The following TTC17 variants were observed in gnomAD, a reference collection of about 807,000 sequenced individuals.
TTC17 encodes tetratricopeptide repeat domain 17, also known as tetratricopeptide repeat protein 17.
TTC17 carries 58 observed loss-of-function variants against 143.8 expected under a neutral mutation model. That is an observed-to-expected ratio of 0.40 (90% confidence interval 0.33 to 0.50). TTC17 has a LOEUF of 0.50. Among genes scored for constraint, TTC17 ranks in the 20% least tolerant of loss-of-function variants. The pLI is 0.49. For missense variants in TTC17, 1,273 were observed against 1,392.5 expected (o/e 0.91, Z 1.37); for synonymous variants, 501 against 497.8 (o/e 1.01, Z -0.09).
intron 16 of TTC17, among the ~76,000 whole-genome samples, chr11:43,431,569 A>T (rs768504159): frequency 6.6e-6 from 1 of 152,234 alleles, no homozygotes; most frequent in Non-Finnish European, 1.5e-5. Context: ...TTTTAAAAAG[A>T]TTACATTGGG....
chr11:43,439,741 G>C (rs1947374124), intron 16 of TTC17, among the ~76,000 whole-genome samples: 1 of 152,128 alleles, frequency 6.6e-6, no homozygotes, highest in African/African-American at 2.4e-5. Context: ...AAAGTGCTGG[G>C]ATTACAGGCG....
At chr11:43,483,270 C>T (rs1419972515) in intron 21 of TTC17, among the ~76,000 whole-genome samples, 2 of 152,062 alleles carry the variant, frequency 1.3e-5, no homozygotes, top group Non-Finnish European at 2.9e-5. Context: ...AGAAATACCT[C>T]ATCCTAATAT....
intron 16 of TTC17, among the ~76,000 whole-genome samples, chr11:43,422,574 G>T (rs1047927976): frequency 1.3e-5 from 2 of 152,154 alleles, no homozygotes; most frequent in South Asian, 4.1e-4. Flanking sequence ...CAATAAAGGA[G>T]TAGCCAGTAA....
chr11:43,462,149 A>G (rs1041096371), intron 21 of TTC17, among the ~76,000 whole-genome samples: 4 of 152,144 alleles, frequency 2.6e-5, no homozygotes, highest in Non-Finnish European at 5.9e-5. Flanking sequence ...AAACTTTATA[A>G]TAAGAAGCAT....
At chr11:43,414,522 G>A (rs1403725353) in intron 15 of TTC17, 68 bp from the exon 16 acceptor site, 3 of 1,523,934 alleles carry the variant, frequency 2.0e-6, no homozygotes, top group Non-Finnish European at 2.6e-6. Context: ...GCCATATACT[G>A]TAAACGTTTT....
At chr11:43,465,876 T>TATTTCTTGGA (rs1253117213) in intron 21 of TTC17, among the ~76,000 whole-genome samples, 4 of 152,170 alleles carry the variant, frequency 2.6e-5, no homozygotes, top group Non-Finnish European at 5.9e-5. Flanking sequence ...ACAATATATG[T>TATTTCTTGGA]ATTTCTTGGA....
chr11:43,488,106 C>T (rs544502663), intron 21 of TTC17, among the ~76,000 whole-genome samples: 4 of 152,198 alleles, frequency 2.6e-5, no homozygotes, highest in East Asian at 1.9e-4. Context: ...TCCCATGAGC[C>T]GTTCTTGAGG....
chr11:43,377,259 C>G (rs1001875838), intron 1 of TTC17, among the ~76,000 whole-genome samples: 7 of 151,966 alleles, frequency 4.6e-5, no homozygotes, highest in Middle Eastern at 3.2e-3. Context: ...CACCACTGCA[C>G]TCCAGCCCAG....
At chr11:43,393,198 C>A (rs1346389796) in intron 5 of TTC17, among the ~76,000 whole-genome samples, 2 of 152,180 alleles carry the variant, frequency 1.3e-5, no homozygotes, top group African/African-American at 2.4e-5. Context: ...ACAGACCCCA[C>A]AGGTCAAGGA....
chr11:43,450,293 A>G (rs1673706751), intron 20 of TTC17, 52 bp downstream of exon 20: 1 of 1,561,712 alleles, frequency 6.4e-7, no homozygotes, highest in African/African-American at 1.4e-5. Flanking sequence ...GTTAGGATGC[A>G]CATTGATACT....
intron 1 of TTC17, among the ~76,000 whole-genome samples, chr11:43,360,481 GA>G (rs1474433972): frequency 5.3e-5 from 8 of 152,146 alleles, no homozygotes; most frequent in Middle Eastern, 3.2e-3. Flanking sequence ...AGGTCTCTAT[GA>G]AGACGTGGAA....
intron 21 of TTC17, among the ~76,000 whole-genome samples, chr11:43,458,187 T>C (rs1295651321): frequency 6.6e-6 from 1 of 152,180 alleles, no homozygotes; most frequent in African/African-American, 2.4e-5. Flanking sequence ...AAGTCACTTA[T>C]GTTGCTGGGG....
chr11:43,471,678 A>G (rs1342300063), intron 21 of TTC17, among the ~76,000 whole-genome samples: 2 of 152,268 alleles, frequency 1.3e-5, no homozygotes, highest in African/African-American at 4.8e-5. Context: ...ATTCACGGAT[A>G]AAGTGCTAGG....
intron 18 of TTC17, chr11:43,446,173 C>T: frequency 7.6e-7 from 1 of 1,312,292 alleles, no homozygotes; most frequent in Non-Finnish European, 9.7e-7. Flanking sequence ...CATGTTTTTA[C>T]CTCAGTGCCT....
chr11:43,413,010 ACACACACACACACACAC>A (rs1366180270), intron 15 of TTC17, among the ~76,000 whole-genome samples: 6 of 151,708 alleles, frequency 4.0e-5, no homozygotes, highest in Non-Finnish European at 7.4e-5. Flanking sequence ...ACACACACAC[ACACACACACACACACAC>A]AAATGGGGGC....
chr11:43,358,963 G>T lies in TTC17; in HGVS notation c.9G>T (p.Ala3=). MA[A]AVGVRGRYEL... ...CCGGCCGGGGGGGCAAGATGGCGGC[G>T]GCAGTAGGGGTTCGTGGCCGGTACG... The change falls in exon 1 of 24, where the codon GCG becomes GCT. Residue 3 remains alanine (A), a synonymous_variant. Coordinates refer to ENST00000039989, the MANE Select transcript of TTC17 (RefSeq NM_018259.6). 6.4e-7 allele frequency: 1 copy of T among 1,574,498 alleles called. No homozygotes were observed. The highest frequency in any genetic ancestry group is 1.1e-5 in the South Asian group (1 of 87,488).
intron 21 of TTC17, among the ~76,000 whole-genome samples, chr11:43,466,216 C>T (rs974813500): frequency 1.3e-5 from 2 of 152,050 alleles, no homozygotes; most frequent in African/African-American, 4.8e-5. Context: ...GCAAATCAAA[C>T]CACAACGAGA....
intron 16 of TTC17, among the ~76,000 whole-genome samples, chr11:43,429,907 C>T (rs10501299): frequency 0.089 from 13,576 of 152,144 alleles, 898 homozygotes; most frequent in Admixed American, 0.23. Context: ...ATAATATAAG[C>T]CTGTTGGAGC....
rs778813400 is a variant in TTC17, at chr11:43,444,185, A to G, written c.2641A>G (p.Lys881Glu). The G allele has an allele frequency of 1.9e-6, 3 of 1,611,106 alleles. No homozygotes were observed. Among genetic ancestry groups the G allele is most frequent in the East Asian group, 2.2e-5 (1 of 44,788 alleles). ...AGCAAACCTAGAGATCACTGGCCCC[A>G]AGGTGGCATCTCCTGGGCCACAAGG... ...YQANLEITGP[K>E]VASPGPQGKK... The change falls in exon 18 of 24, where the codon AAG (lysine) becomes GAG (glutamate). Residue 881 changes from lysine (K) to glutamate (E), a missense_variant. Coordinates refer to ENST00000039989, the MANE Select transcript of TTC17 (RefSeq NM_018259.6).
Sources: allele counts gnomAD v4.1 joint callset (sites outside exome capture counted in the v4.1 genomes callset), GRCh38; gene constraint gnomAD v4.1.1; transcripts MANE v1.5; gene names NCBI Gene and HGNC (gene_info 2026-07-23, HGNC 2026-07-21).